Variants in TMEM170A observed in about 807,000 individuals in gnomAD.
TMEM170A encodes transmembrane protein 170.
Under a neutral mutation model 12.8 loss-of-function variants are expected in TMEM170A, and 18 were observed. That is an observed-to-expected ratio of 1.41 (90% CI 0.97 to 2.09). The LOEUF is 2.09. TMEM170A is among the 30% of genes most tolerant of loss of function. The pLI, the probability that TMEM170A is intolerant of heterozygous loss-of-function variation, is 0.00. For synonymous variants in TMEM170A, 107 were observed against 76.2 expected, an observed-to-expected ratio of 1.40 and a Z score of -2.11; for missense variants, 220 against 179.9, an observed-to-expected ratio of 1.22 and a Z score of -1.28.
At chr16:75,464,240 G>A (rs1422701269) in intron 1 of TMEM170A, 3 of 1,502,432 alleles carry the variant, frequency 2.0e-6, no homozygotes, top group East Asian at 2.8e-5. Context: ...ACCTGCGGCC[G>A]CTCTCTGCAT....
intron 1 of TMEM170A, among the ~76,000 whole-genome samples, chr16:75,461,296 C>T (rs750528475): frequency 1.3e-5 from 2 of 151,842 alleles, no homozygotes; most frequent in Non-Finnish European, 1.5e-5. Context: ...TTAGATGATC[C>T]GCCCGCTTCG....
At chr16:75,455,487 A>C (rs1343843030) in intron 1 of TMEM170A, among the ~76,000 whole-genome samples, 1 of 152,186 alleles carries the variant, frequency 6.6e-6, no homozygotes, top group Admixed American at 6.5e-5. Context: ...AACACAATAA[A>C]CACTCATGTG....
At chr16:75,455,383 T>C (rs975060390) in intron 1 of TMEM170A, among the ~76,000 whole-genome samples, 2 of 143,546 alleles carry the variant, frequency 1.4e-5, no homozygotes, top group African/African-American at 2.6e-5. Flanking sequence ...ATGCAATAGA[T>C]GTATATATAC....
chr16:75,457,332 A>T (rs2079817584), intron 1 of TMEM170A, among the ~76,000 whole-genome samples: 1 of 152,238 alleles, frequency 6.6e-6, no homozygotes, highest in Admixed American at 6.5e-5. Flanking sequence ...GAACACAGGT[A>T]TGCCATCCAA....
chr16:75,456,441 G>C (rs2079798466), intron 1 of TMEM170A, among the ~76,000 whole-genome samples: 1 of 152,104 alleles, frequency 6.6e-6, no homozygotes, highest in Non-Finnish European at 1.5e-5. Context: ...ATAAAAATTA[G>C]CTAGGTGGGG....
chr16:75,454,763 G>T (rs751558418), intron 1 of TMEM170A, among the ~76,000 whole-genome samples: 1 of 152,182 alleles, frequency 6.6e-6, no homozygotes, highest in Non-Finnish European at 1.5e-5. Context: ...GAGCAGTAAC[G>T]GTTGTCATGA....
Position 75,451,853 on chromosome 16 carries a change from C to G in TMEM170A, c.134-14G>C. On this transcript the variant is annotated splice_polypyrimidine_tract_variant and intron_variant, in intron 1 of 2. Transcript: ENST00000561878. ...CATACCACATCTCTATGAGGGAAGA[C>G]AAAGAAAAGTTGTGAATCACTGCCC... 1 of 1,598,732 alleles carries G rather than the reference C, an allele frequency of 6.3e-7. No individual in the cohort carries two copies. Among genetic ancestry groups the G allele is most frequent in the Admixed American group, 1.7e-5 (1 of 57,210 alleles).
rs925918646 is a variant in TMEM170A at position 75,446,817 on chromosome 16, G to C, written c.*741C>G. The C allele has an allele frequency of 6.6e-6, 1 of 152,138 alleles. No homozygotes were observed. Among genetic ancestry groups the C allele is most frequent in the Non-Finnish European group, 1.5e-5 (1 of 68,020 alleles). The allele number at this position is 152,138 out of a possible 1,614,324, so 9.4% of individuals were successfully genotyped here. ...AAAATTAAGAGAATTAAAAGTGATA[G>C]GGAAAGGTGGTACAGAAAATCTAAA... On this transcript the variant is annotated 3_prime_UTR_variant, in exon 3 of 3. Transcript: ENST00000561878.
chr16:75,451,843 T>A lies in TMEM170A; in HGVS notation c.134-4A>T. On this transcript the variant is annotated splice_region_variant and splice_polypyrimidine_tract_variant and intron_variant, in intron 1 of 2. Transcript: ENST00000561878. ...AGGAATACACCATACCACATCTCTA[T>A]GAGGGAAGACAAAGAAAAGTTGTGA... The A allele has an allele frequency of 6.2e-7, 1 of 1,605,896 alleles. No individual in the cohort carries two copies. The highest frequency in any genetic ancestry group is 8.5e-7 in the Non-Finnish European group (1 of 1,175,482).
chr16:75,451,745 G>A lies in TMEM170A; in HGVS notation c.228C>T (p.His76=). 1 of 1,614,120 alleles carries A rather than the reference G, an allele frequency of 6.2e-7. No individual in the cohort carries two copies. Among genetic ancestry groups the A allele is most frequent in the Non-Finnish European group, 8.5e-7 (1 of 1,180,012 alleles). ...TTACAGACATGAACCTACCATATTTGTGATGTCTGAGGGTGAAGAGGGCCA... is the reference window on the plus strand; with the variant it reads ...TTACAGACATGAACCTACCATATTTATGATGTCTGAGGGTGAAGAGGGCCA... ...GLLALFTLRH[H]KYGRFMSVSI... Residue 76 remains histidine (H), a synonymous_variant, in exon 2 of 3, where the codon CAC becomes CAT. Coordinates refer to ENST00000561878, the MANE Select transcript of TMEM170A (RefSeq NM_145254.3).
At chr16:75,463,837 G>A (rs575236457) in intron 1 of TMEM170A, among the ~76,000 whole-genome samples, 4 of 152,344 alleles carry the variant, frequency 2.6e-5, no homozygotes, top group South Asian at 2.1e-4. Context: ...CAGCGGGGAG[G>A]AAGAGTTCAA....
chr16:75,457,174 G>T (rs7202596), intron 1 of TMEM170A, among the ~76,000 whole-genome samples: 79,483 of 152,034 alleles, frequency 0.52, 21,649 homozygotes, highest in Admixed American at 0.64. Flanking sequence ...GTTTTAGAGA[G>T]AAGCTCTGCT....
intron 1 of TMEM170A, 45 bp from the exon 2 acceptor site, chr16:75,451,884 A>C (rs769881984): frequency 2.6e-6 from 4 of 1,542,018 alleles, no homozygotes; most frequent in African/African-American, 2.7e-5. Context: ...TGCCCTTCCC[A>C]GGACAATCAT....
intron 1 of TMEM170A, among the ~76,000 whole-genome samples, chr16:75,461,383 C>T (rs982356849): frequency 1.3e-5 from 2 of 152,148 alleles, no homozygotes; most frequent in African/African-American, 4.8e-5. Context: ...CTACCTAACC[C>T]TCCGTAGGTA....
chr16:75,458,075 T>G (rs1379068149), intron 1 of TMEM170A, among the ~76,000 whole-genome samples: 1 of 152,246 alleles, frequency 6.6e-6, no homozygotes, highest in African/African-American at 2.4e-5. Context: ...ATTTATCGAT[T>G]GTCATACAGT....
In TMEM170A at chr16:75,444,988, T is replaced by A. The variant is rs1172435786; in HGVS notation, c.*2570A>T. ...ACTAACTACTGGTCTATATGTTTAG[T>A]GTATGAAATTACATCCAAAGAATGC... is the stretch of plus-strand genomic sequence containing the variant. On this transcript the variant is annotated 3_prime_UTR_variant, in exon 3 of 3. Transcript: ENST00000561878. 2.6e-5 allele frequency: 4 copies of A among 152,320 alleles called. No homozygotes were observed. The East Asian group carries it at 5.8e-4, about 22-fold the overall frequency. 9.4% of individuals were successfully genotyped at this position (152,320 alleles called of 1,614,324 possible). A position where few individuals can be genotyped will look rare whatever the true frequency, so the allele number is the denominator to read the frequency against.
chr16:75,464,119 G>A lies in TMEM170A; in HGVS notation c.133+349C>T. 4 of 1,195,874 alleles carry A rather than the reference G, an allele frequency of 3.3e-6. 1 individual carries two copies. The South Asian group carries it at 4.0e-5, about 12-fold the overall frequency. 74.1% of individuals were successfully genotyped at this position (1,195,874 alleles called of 1,614,324 possible). A position where few individuals can be genotyped will look rare whatever the true frequency, so the allele number is the denominator to read the frequency against. ...GCCGTGGGGCAACCCAGGCAGGGCGGGGACCACAGCCTCCCGGGCTCGTGG... is the reference window on the plus strand; with the variant it reads ...GCCGTGGGGCAACCCAGGCAGGGCGAGGACCACAGCCTCCCGGGCTCGTGG... On this transcript the variant is annotated intron_variant, in intron 1 of 2. Coordinates refer to ENST00000561878, the MANE Select transcript of TMEM170A (RefSeq NM_145254.3).
At chr16:75,458,481 A>T (rs774274531) in intron 1 of TMEM170A, 1 of 152,270 alleles carries the variant, frequency 6.6e-6, no homozygotes, top group Non-Finnish European at 1.5e-5. Flanking sequence ...GATAAGAGTC[A>T]GAGAGATTTG....
chr16:75,457,397 C>T (rs757759302), intron 1 of TMEM170A, among the ~76,000 whole-genome samples: 1 of 152,188 alleles, frequency 6.6e-6, no homozygotes, highest in East Asian at 1.9e-4. Context: ...CCCTACAGGA[C>T]TGTGGTCTTA....
Sources: allele counts gnomAD v4.1 joint callset (sites outside exome capture counted in the v4.1 genomes callset), GRCh38; gene constraint gnomAD v4.1.1; transcripts MANE v1.5; gene names NCBI Gene and HGNC (gene_info 2026-07-23, HGNC 2026-07-21).